The following LGR4 variants were observed in gnomAD, a reference collection of about 807,000 sequenced individuals.
LGR4 encodes leucine rich repeat containing G protein-coupled receptor 4, also known as leucine-rich repeat-containing G protein-coupled receptor 4.
In LGR4, 44 loss-of-function variants were observed where a neutral mutation model predicts 84.8. The observed-to-expected ratio is 0.52, with a 90% CI of 0.41 to 0.67. The LOEUF (loss-of-function observed/expected upper bound fraction) is 0.67. Ranked by LOEUF, LGR4 falls within the 30% of genes least tolerant of loss-of-function variation. The pLI is 0.00. For missense variants in LGR4, 1,032 were observed against 1,131.4 expected, an observed-to-expected ratio of 0.91 and a Z score of 1.26; for synonymous variants, 429 against 434.3, an observed-to-expected ratio of 0.99 and a Z score of 0.15.
At chr11:27,389,391 A>C (rs936038330) in intron 4 of LGR4, among the ~76,000 whole-genome samples, 2 of 152,162 alleles carry the variant, frequency 1.3e-5, no homozygotes, top group Admixed American at 6.6e-5. Context: ...AATTTGCTCC[A>C]TGAATGATAA....
At chr11:27,442,589 GACA>G (rs1035940092) in intron 1 of LGR4, among the ~76,000 whole-genome samples, 25 of 152,120 alleles carry the variant, frequency 1.6e-4, no homozygotes, top group African/African-American at 5.3e-4. Context: ...CAACAACAAC[GACA>G]ACAAAAAAAC....
intron 1 of LGR4, among the ~76,000 whole-genome samples, chr11:27,459,506 T>G (rs1864640987): frequency 6.6e-6 from 1 of 151,650 alleles, no homozygotes; most frequent in African/African-American, 2.4e-5. Context: ...AGACAGAGTC[T>G]TGCTCCGTCA....
Position 27,380,738 on chromosome 11 carries a change from A to G in LGR4, c.831-27T>C. 4 of 1,483,342 alleles carry G rather than the reference A, an allele frequency of 2.7e-6. No homozygotes were observed. In the South Asian group the frequency reaches 3.5e-5, roughly 13 times the overall value. 91.9% of individuals were successfully genotyped at this position (1,483,342 alleles called of 1,614,324 possible). A position where few individuals can be genotyped will look rare whatever the true frequency, so the allele number is the denominator to read the frequency against. On this transcript the variant is annotated intron_variant, in intron 8 of 17. Coordinates refer to ENST00000379214, the MANE Select transcript of LGR4 (RefSeq NM_018490.5). ...TGTGAAAATATCCAAAAAAAGTAAA[A>G]TTTTCATATGTTCACAAGCACTCTA...
At chr11:27,430,692 T>C (rs991886001) in intron 1 of LGR4, among the ~76,000 whole-genome samples, 2 of 152,122 alleles carry the variant, frequency 1.3e-5, no homozygotes, top group Non-Finnish European at 2.9e-5. Context: ...ACCACGACAG[T>C]AGCCTTCTGT....
chr11:27,406,047 A>G (rs1442475437), intron 2 of LGR4, among the ~76,000 whole-genome samples: 1 of 152,006 alleles, frequency 6.6e-6, no homozygotes, highest in Non-Finnish European at 1.5e-5. Context: ...AATAATTCAA[A>G]ATTGCAACCA....
chr11:27,443,421 G>T (rs529600646), intron 1 of LGR4, among the ~76,000 whole-genome samples: 4 of 152,260 alleles, frequency 2.6e-5, no homozygotes, highest in South Asian at 2.1e-4. Context: ...TAAGTAGCCT[G>T]TATATCAAAA....
intron 1 of LGR4, among the ~76,000 whole-genome samples, chr11:27,426,819 C>T (rs1463216488): frequency 6.6e-5 from 10 of 152,132 alleles, no homozygotes; most frequent in African/African-American, 2.2e-4. Flanking sequence ...AATGATAAAT[C>T]CTGGTCCATG....
intron 1 of LGR4, among the ~76,000 whole-genome samples, chr11:27,415,287 G>T (rs1369599987): frequency 6.6e-6 from 1 of 152,044 alleles, no homozygotes; most frequent in Non-Finnish European, 1.5e-5. Context: ...TCTAAGCTTG[G>T]CACACCTGAA....
Position 27,464,899 on chromosome 11 carries a change from A to T in LGR4, c.185+7219T>A, listed in dbSNP as rs548020619. 1.0e-3 allele frequency among the ~76,000 whole-genome samples: 158 copies of T among 152,308 alleles called. 1 individual carries two copies. The highest frequency in any genetic ancestry group is 8.5e-3 in the South Asian group (41 of 4,820). On this transcript the variant is annotated intron_variant, in intron 1 of 17. Coordinates refer to ENST00000379214, the MANE Select transcript of LGR4 (RefSeq NM_018490.5). ...TTTGTTTTTAAAACTTTGAAAAAAA[A>T]AACCTGCATTCTCCTAGTGTCAATC...
At chr11:27,459,040 T>A (rs950107175) in intron 1 of LGR4, among the ~76,000 whole-genome samples, 9 of 152,236 alleles carry the variant, frequency 5.9e-5, no homozygotes, top group Non-Finnish European at 1.2e-4. Context: ...AAAGGAAATC[T>A]ATTATAATCA....
intron 1 of LGR4, among the ~76,000 whole-genome samples, chr11:27,464,468 G>A (rs1018850614): frequency 2.6e-4 from 39 of 152,232 alleles, no homozygotes; most frequent in African/African-American, 8.9e-4. Flanking sequence ...AAGAGAGTGC[G>A]AATTATAAAA....
intron 1 of LGR4, among the ~76,000 whole-genome samples, chr11:27,471,383 A>G (rs979297125): frequency 2.0e-5 from 3 of 152,200 alleles, no homozygotes; most frequent in Non-Finnish European, 4.4e-5. Context: ...AACATCCTGC[A>G]CCTCAGGTCA....
chr11:27,418,730 A>G (rs542548080), intron 1 of LGR4, among the ~76,000 whole-genome samples: 1 of 152,312 alleles, frequency 6.6e-6, no homozygotes, highest in East Asian at 1.9e-4. Context: ...AAGGCTAGAG[A>G]AAATGTCACC....
intron 1 of LGR4, among the ~76,000 whole-genome samples, chr11:27,434,587 A>G (rs1288078187): frequency 1.3e-5 from 2 of 152,194 alleles, no homozygotes; most frequent in East Asian, 3.8e-4. Flanking sequence ...CTGTTCAGTA[A>G]GAGAAGCCCC....
rs745611034 is a variant in LGR4 at position 27,372,252 on chromosome 11, G to A, written c.1495+31C>T. The A allele has an allele frequency of 2.6e-6, 3 of 1,169,560 alleles. No individual in the cohort carries two copies. In the East Asian group the frequency reaches 7.0e-5, roughly 27 times the overall value. 72.4% of individuals were successfully genotyped at this position (1,169,560 alleles called of 1,614,324 possible). A position where few individuals can be genotyped will look rare whatever the true frequency, so the allele number is the denominator to read the frequency against. On this transcript the variant is annotated intron_variant, in intron 16 of 17. Coordinates refer to ENST00000379214, the MANE Select transcript of LGR4 (RefSeq NM_018490.5). ...GAACTTTAATCAATGCCTTAAAGGA[G>A]TGTTCTATTTTTTGAAACTCATGCA...
chr11:27,437,505 T>G (rs1864232099), intron 1 of LGR4, among the ~76,000 whole-genome samples: 1 of 151,934 alleles, frequency 6.6e-6, no homozygotes, highest in Non-Finnish European at 1.5e-5. Context: ...TGAGAAGGAG[T>G]GACTATTTTT....
At chr11:27,386,385 A>G (rs1863188735) in intron 4 of LGR4, among the ~76,000 whole-genome samples, 1 of 152,236 alleles carries the variant, frequency 6.6e-6, no homozygotes, top group African/African-American at 2.4e-5. Flanking sequence ...TGCCAGGCAA[A>G]TCACAGCTTT....
At position 27,384,414 on chromosome 11, in the gene LGR4, G is replaced by A. The variant is rs1178210753; in HGVS notation, c.618-7C>T. Reference sequence around the variant, plus strand: ...TTTATTGTTATGAAGATGCCTAAGGGGGAAAAAAAGCATAAAATGACTTTT... The same window carrying A: ...TTTATTGTTATGAAGATGCCTAAGGAGGAAAAAAAGCATAAAATGACTTTT... On this transcript the variant is annotated splice_polypyrimidine_tract_variant and splice_region_variant and intron_variant, in intron 5 of 17. Coordinates refer to ENST00000379214, the MANE Select transcript of LGR4 (RefSeq NM_018490.5). The A allele has an allele frequency of 2.5e-6, 4 of 1,596,200 alleles. No individual in the cohort carries two copies. The Admixed American group carries it at 5.0e-5, about 20-fold the overall frequency.
chr11:27,413,996 T>A (rs971953846), intron 1 of LGR4, among the ~76,000 whole-genome samples: 1 of 151,944 alleles, frequency 6.6e-6, no homozygotes, highest in African/African-American at 2.4e-5. Context: ...TTTGGAAAAG[T>A]TTTTGGCTTG....
Sources: allele counts gnomAD v4.1 joint callset (sites outside exome capture counted in the v4.1 genomes callset), GRCh38; gene constraint gnomAD v4.1.1; transcripts MANE v1.5; gene names NCBI Gene and HGNC (gene_info 2026-07-23, HGNC 2026-07-21).